CACNA1E: variants seen among roughly 807,000 people sequenced by gnomAD.
The protein encoded by CACNA1E is voltage-dependent R-type calcium channel subunit alpha-1E.
A neutral mutation model predicts 259.2 loss-of-function variants in CACNA1E; 40 were observed. The ratio of observed to expected loss-of-function variants is 0.15; its 90% confidence interval spans 0.12 to 0.20. The LOEUF (loss-of-function observed/expected upper bound fraction) is 0.20. CACNA1E is among the 10% of genes least tolerant of loss of function. The pLI is 1.00. For synonymous variants in CACNA1E, 1,104 were observed against 1,138.5 expected (o/e 0.97, Z 0.61); for missense variants, 1,874 against 3,040.1 (o/e 0.62, Z 9.02).
At chr1:181,594,724 C>G (rs1276344791) in intron 6 of CACNA1E, among the ~76,000 whole-genome samples, 4 of 152,152 alleles carry the variant, frequency 2.6e-5, no homozygotes, top group African/African-American at 9.7e-5. Context: ...ATCCATTCTT[C>G]CTGACTCTGC....
At chr1:181,762,214 G>T (rs1658642470) in intron 32 of CACNA1E, among the ~76,000 whole-genome samples, 1 of 152,178 alleles carries the variant, frequency 6.6e-6, no homozygotes, top group African/African-American at 2.4e-5. Context: ...ATTAAATATG[G>T]ATAGCTTTTT....
At chr1:181,584,294 G>A (rs895559783) in intron 6 of CACNA1E, among the ~76,000 whole-genome samples, 1 of 152,186 alleles carries the variant, frequency 6.6e-6, no homozygotes, top group Non-Finnish European at 1.5e-5. Context: ...CTCATGTAGA[G>A]GCAGAAATTT....
At chr1:181,490,967 C>T (rs1437169167) in intron 1 of CACNA1E, among the ~76,000 whole-genome samples, 1 of 152,198 alleles carries the variant, frequency 6.6e-6, no homozygotes. Context: ...TGAAAACCAG[C>T]ACTAGGAGGA....
intron 6 of CACNA1E, among the ~76,000 whole-genome samples, chr1:181,630,190 G>C (rs560147462): frequency 6.6e-6 from 1 of 152,136 alleles, no homozygotes; most frequent in Non-Finnish European, 1.5e-5. Context: ...TATTGCCTTT[G>C]TAATTTAATG....
At chr1:181,543,173 C>T (rs949181333) in intron 3 of CACNA1E, among the ~76,000 whole-genome samples, 1 of 151,994 alleles carries the variant, frequency 6.6e-6, no homozygotes, top group East Asian at 1.9e-4. Context: ...GGCCCCACTC[C>T]CTGTGTTTCT....
At chr1:181,739,365 C>T (rs750526537) in intron 25 of CACNA1E, 112 bp downstream of exon 25, 2 of 783,824 alleles carry the variant, frequency 2.6e-6, no homozygotes, top group East Asian at 2.5e-5. Flanking sequence ...CAAAGAATGC[C>T]CCCGCTGGAA....
intron 1 of CACNA1E, among the ~76,000 whole-genome samples, chr1:181,410,589 A>G (rs942170902): frequency 5.9e-5 from 9 of 152,182 alleles, no homozygotes; most frequent in African/African-American, 1.9e-4. Context: ...TCTCATCCAG[A>G]CTTTTTGTTT....
At chr1:181,390,418 G>T (rs1314430355) in intron 1 of CACNA1E, among the ~76,000 whole-genome samples, 3 of 152,116 alleles carry the variant, frequency 2.0e-5, no homozygotes, top group African/African-American at 7.2e-5. Context: ...GGTCATGACA[G>T]CTTGATTCAG....
intron 2 of CACNA1E, among the ~76,000 whole-genome samples, chr1:181,469,569 A>C (rs1165119569): frequency 6.6e-6 from 1 of 152,238 alleles, no homozygotes; most frequent in African/African-American, 2.4e-5. Context: ...AACAAAAAAC[A>C]GAGCCGAAGA....
intron 1 of CACNA1E, among the ~76,000 whole-genome samples, chr1:181,339,455 C>T (rs1651980513): frequency 6.6e-6 from 1 of 152,042 alleles, no homozygotes; most frequent in South Asian, 2.1e-4. Context: ...CTTCAGGCTT[C>T]ATTCATGTTA....
At chr1:181,490,580 T>G (rs1199583407) in intron 1 of CACNA1E, among the ~76,000 whole-genome samples, 1 of 151,522 alleles carries the variant, frequency 6.6e-6, no homozygotes, top group Non-Finnish European at 1.5e-5. Context: ...GTGGTTGATT[T>G]GAATCACTGT....
At chr1:181,547,202 C>T (rs1012431497) in intron 3 of CACNA1E, among the ~76,000 whole-genome samples, 3 of 152,148 alleles carry the variant, frequency 2.0e-5, no homozygotes, top group Non-Finnish European at 2.9e-5. Flanking sequence ...GCACTGATGC[C>T]ACCTGAACTC....
intron 7 of CACNA1E, among the ~76,000 whole-genome samples, chr1:181,704,216 G>T (rs2332527): frequency 0.81 from 123,666 of 152,124 alleles, 50,521 homozygotes; most frequent in Non-Finnish European, 0.86. Context: ...TGACCTTCAG[G>T]AAGGTGTTTA....
intron 6 of CACNA1E, among the ~76,000 whole-genome samples, chr1:181,619,551 A>G (rs767661650): frequency 2.6e-5 from 4 of 152,182 alleles, no homozygotes; most frequent in Non-Finnish European, 5.9e-5. Flanking sequence ...ACATTTGAAT[A>G]GGGTCACCCT....
intron 8 of CACNA1E, among the ~76,000 whole-genome samples, chr1:181,715,054 G>A (rs1653757189): frequency 6.6e-6 from 1 of 152,184 alleles, no homozygotes; most frequent in Non-Finnish European, 1.5e-5. Context: ...AAGGATTTTA[G>A]CTTCTTCCTC....
intron 25 of CACNA1E, among the ~76,000 whole-genome samples, chr1:181,745,785 G>T (rs1657022838): frequency 6.6e-6 from 1 of 152,150 alleles, no homozygotes; most frequent in East Asian, 1.9e-4. Context: ...GTGTCTTTGG[G>T]TATGTTTAGA....
At chr1:181,447,413 C>T (rs967003918) in intron 2 of CACNA1E, among the ~76,000 whole-genome samples, 2 of 151,584 alleles carry the variant, frequency 1.3e-5, no homozygotes, top group African/African-American at 4.8e-5. Context: ...TGCCTGTAGT[C>T]CCAGTTATCC....
At chr1:181,437,203 G>A (rs1660151203) in intron 2 of CACNA1E, among the ~76,000 whole-genome samples, 1 of 152,026 alleles carries the variant, frequency 6.6e-6, no homozygotes, top group Non-Finnish European at 1.5e-5. Flanking sequence ...TCACTGCATG[G>A]CCAATATGTG....
chr1:181,609,059 G>C (rs1328736126), intron 6 of CACNA1E, among the ~76,000 whole-genome samples: 1 of 152,198 alleles, frequency 6.6e-6, no homozygotes, highest in Non-Finnish European at 1.5e-5. Context: ...TTAGGAAGAA[G>C]AAATGGGGAG....
Sources: gnomAD v4.1 joint callset for allele counts (sites outside exome capture counted in the v4.1 genomes callset) on GRCh38, gnomAD v4.1.1 for gene constraint, MANE v1.5 for transcripts, NCBI Gene and HGNC (gene_info 2026-07-23, HGNC 2026-07-21) for gene names.